Variants in TTLL7 observed in about 807,000 individuals in gnomAD.
The protein encoded by TTLL7 is tubulin polyglutamylase TTLL7.
In TTLL7, 53 loss-of-function variants were observed where a neutral mutation model predicts 120.2. That is an observed-to-expected ratio of 0.44 (90% confidence interval 0.35 to 0.55). The LOEUF is 0.55. Among genes scored for constraint, TTLL7 ranks in the 20% least tolerant of loss-of-function variants. The pLI is 0.00. For missense variants in TTLL7, 803 were observed against 1,054.7 expected, an observed-to-expected ratio of 0.76 and a Z score of 3.31; for synonymous variants, 353 against 351.7, an observed-to-expected ratio of 1.00 and a Z score of -0.04.
chr1:83,951,898 T>G lies in TTLL7; in HGVS notation c.104A>C (p.Lys35Thr), dbSNP rs576580371. Reference protein sequence around the residue: ...QSTMKRKVRKKKKKGTITANV... With the variant: ...QSTMKRKVRKTKKKGTITANV... ...TGCTGTAATGGTTCCCTTCTTTTTCTTCTTTCTGACTTTCCTTTTCATTGT... is the reference window on the plus strand; with the variant it reads ...TGCTGTAATGGTTCCCTTCTTTTTCGTCTTTCTGACTTTCCTTTTCATTGT... The change falls in exon 3 of 21, where the codon AAG becomes ACG. Residue 35 changes from lysine to threonine, a missense_variant. By Grantham distance (78) the Lys-to-Thr change is moderately conservative (BLOSUM62 -1). Coordinates refer to ENST00000260505, the MANE Select transcript of TTLL7 (RefSeq NM_024686.6). 11 of 1,613,638 alleles carry G rather than the reference T, an allele frequency of 6.8e-6. No homozygotes were observed. The Middle Eastern group carries it at 5.0e-4, about 73-fold the overall frequency.
chr1:83,917,464 T>A, intron 14 of TTLL7, 140 bp downstream of exon 14: 1 of 586,012 alleles, frequency 1.7e-6, no homozygotes, highest in Non-Finnish European at 3.0e-6. Context: ...GGTATCATCA[T>A]CTTCCAAACT....
chr1:83,965,229 T>A (rs868866744), intron 1 of TTLL7, among the ~76,000 whole-genome samples: 6 of 152,084 alleles, frequency 3.9e-5, no homozygotes, highest in African/African-American at 1.4e-4. Flanking sequence ...CAAATTTTAA[T>A]CCCCATAATC....
intron 19 of TTLL7, among the ~76,000 whole-genome samples, chr1:83,885,460 T>C (rs1004436410): frequency 1.4e-4 from 21 of 152,142 alleles, no homozygotes; most frequent in East Asian, 1.4e-3. Flanking sequence ...TTGAATAATA[T>C]GTGAGTTATA....
chr1:83,907,574 T>C lies in TTLL7; in HGVS notation c.1874A>G (p.Gln625Arg), dbSNP rs1657306956. 7 of 1,613,362 alleles carry C rather than the reference T, an allele frequency of 4.3e-6. No homozygotes were observed. The highest frequency in any genetic ancestry group is 5.9e-6 in the Non-Finnish European group (7 of 1,179,540). ...SGDTRPFSAQQMISVSRPTSA... is the reference protein window; with the variant it reads ...SGDTRPFSAQRMISVSRPTSA... ...AGTTGGCCGTGACACAGATATCATT[T>C]GTTGAGCAGAAAATGGGCGGGTGTC... The change falls in exon 16 of 21, where the codon CAA (glutamine) becomes CGA (arginine). Residue 625 changes from glutamine (Q) to arginine (R), a missense_variant. By Grantham distance (43) the Gln-to-Arg change is conservative (BLOSUM62 1). Coordinates refer to ENST00000260505, the MANE Select transcript of TTLL7 (RefSeq NM_024686.6).
At chr1:83,897,025 C>T (rs79332669) in intron 18 of TTLL7, among the ~76,000 whole-genome samples, 6,281 of 152,132 alleles carry the variant, frequency 0.041, 156 homozygotes, top group Middle Eastern at 0.099. Flanking sequence ...GGTGAGGGTT[C>T]TTTTCAGGAT....
In TTLL7 at chr1:83,869,985, T is replaced by C. The variant is rs757384104; in HGVS notation, c.2641A>G (p.Thr881Ala). ...PGMTRSNVLF[T>A]SRYGHL ...TTTCACAGATGGCCATATCTGGATG[T>C]AAACAAAACATTGGAGCGAGTCATT... Residue 881 changes from threonine (T) to alanine (A), a missense_variant, in exon 21 of 21, where the codon ACA (threonine) becomes GCA (alanine). Thr to Ala is a moderately conservative substitution (Grantham distance 58). Transcript: ENST00000260505. 4 of 1,595,804 alleles carry C rather than the reference T, an allele frequency of 2.5e-6. No homozygotes were observed. The East Asian group carries it at 9.1e-5, about 36-fold the overall frequency.
chr1:83,920,241 G>C (rs974848586), intron 12 of TTLL7, among the ~76,000 whole-genome samples: 1 of 152,132 alleles, frequency 6.6e-6, no homozygotes, highest in Non-Finnish European at 1.5e-5. Context: ...CAGTATAAGG[G>C]TTTAGTTGGG....
At position 83,948,619 on chromosome 1, in the gene TTLL7, A is replaced by G. The variant is rs781027516; in HGVS notation, c.347+9T>C. On this transcript the variant is annotated intron_variant, in intron 5 of 20. Transcript: ENST00000260505. Reference sequence around the variant, plus strand: ...CAGGTCTTCTCCATTACAAGAAAATAAAGATTACTTGGTCATATTTCTTGC... The same window carrying G: ...CAGGTCTTCTCCATTACAAGAAAATGAAGATTACTTGGTCATATTTCTTGC... 6.3e-7 allele frequency: 1 copy of G among 1,592,448 alleles called. No homozygotes were observed. Among genetic ancestry groups the G allele is most frequent in the Non-Finnish European group, 8.6e-7 (1 of 1,161,374 alleles).
intron 10 of TTLL7, among the ~76,000 whole-genome samples, chr1:83,927,308 C>T (rs911938426): frequency 2.0e-5 from 3 of 152,036 alleles, no homozygotes; most frequent in Non-Finnish European, 4.4e-5. Context: ...AGGTAAAACA[C>T]CACAGAGGAT....
rs1654621888 is a variant in TTLL7, at chr1:83,882,663, T to A, written c.2543+300A>T. 3 of 241,114 alleles carry A rather than the reference T, an allele frequency of 1.2e-5. No homozygotes were observed. In the East Asian group the frequency reaches 3.7e-4, roughly 29 times the overall value. The allele number at this position is 241,114 out of a possible 1,614,324, so 14.9% of individuals were successfully genotyped here. ...TCTATTGGAGAACAGAAGTTAAATA[T>A]ATTACCACATTTTTGGATGCTCTTG... is the stretch of plus-strand genomic sequence containing the variant. On this transcript the variant is annotated intron_variant, in intron 20 of 20. Transcript: ENST00000260505.
intron 2 of TTLL7, 75 bp from the exon 3 acceptor site, chr1:83,952,051 AC>A: frequency 6.8e-7 from 1 of 1,478,994 alleles, no homozygotes; most frequent in East Asian, 2.3e-5. Flanking sequence ...TACCACCCCC[AC>A]CCCACACCAA....
intron 20 of TTLL7, among the ~76,000 whole-genome samples, chr1:83,873,060 G>T (rs1653584418): frequency 6.6e-6 from 1 of 151,700 alleles, no homozygotes; most frequent in South Asian, 2.1e-4. Context: ...AAAACTAATG[G>T]GTACAATTAT....
intron 6 of TTLL7, among the ~76,000 whole-genome samples, chr1:83,945,260 A>G (rs1390366796): frequency 6.6e-6 from 1 of 152,208 alleles, no homozygotes; most frequent in African/African-American, 2.4e-5. Context: ...TACAAGAGAC[A>G]CCCTTTAAAG....
chr1:83,970,592 C>A (rs2224990), intron 1 of TTLL7, among the ~76,000 whole-genome samples: 61,921 of 151,778 alleles, frequency 0.41, 14,851 homozygotes, highest in Non-Finnish European at 0.54. Context: ...AGTAGAAAGT[C>A]CAAGAAGTAC....
At position 83,895,192 on chromosome 1, in the gene TTLL7, G is replaced by A. The variant is rs368423002; in HGVS notation, c.2209-4711C>T. Among the ~76,000 whole-genome samples, 3 of 152,012 alleles carry A rather than the reference G, an allele frequency of 2.0e-5. No homozygotes were observed. In the East Asian group the frequency reaches 5.8e-4, roughly 29 times the overall value. ...CTGTTTAATTAATGGAGACTGTTAT[G>A]CATATAAAGGGAGTAAACTGTGCCC... On this transcript the variant is annotated intron_variant, in intron 18 of 20. Coordinates refer to ENST00000260505, the MANE Select transcript of TTLL7 (RefSeq NM_024686.6).
intron 18 of TTLL7, among the ~76,000 whole-genome samples, chr1:83,890,892 A>G (rs1557557070): frequency 1.3e-5 from 2 of 152,286 alleles, no homozygotes; most frequent in South Asian, 2.1e-4. Flanking sequence ...TTCAATATGT[A>G]GAGATTTCAA....
rs1405332869 is a variant in TTLL7 at position 83,867,050 on chromosome 1, A to C, written c.*2912T>G. ...ATATGCTTTCATTGTAAGTAAACCC[A>C]GTTCCCCTATTAAAAACCTCTGGTA... On this transcript the variant is annotated 3_prime_UTR_variant, in exon 21 of 21. Transcript: ENST00000260505. 6.6e-6 allele frequency: 1 copy of C among 152,022 alleles called. No homozygotes were observed. The highest frequency in any genetic ancestry group is 1.5e-5 in the Non-Finnish European group (1 of 67,876). 9.4% of individuals were successfully genotyped at this position (152,022 alleles called of 1,614,324 possible).
intron 1 of TTLL7, among the ~76,000 whole-genome samples, chr1:83,959,988 C>T (rs779438953): frequency 5.7e-4 from 87 of 151,578 alleles, no homozygotes; most frequent in Non-Finnish European, 1.0e-3. Flanking sequence ...AGTCTGATAC[C>T]CCTTGAGAGG....
intron 1 of TTLL7, among the ~76,000 whole-genome samples, chr1:83,996,463 T>G (rs922113334): frequency 6.6e-6 from 1 of 152,196 alleles, no homozygotes; most frequent in African/African-American, 2.4e-5. Flanking sequence ...TGGCTTTCTC[T>G]TTGCCTATCA....
Sources: allele counts gnomAD v4.1 joint callset (sites outside exome capture counted in the v4.1 genomes callset), GRCh38; gene constraint gnomAD v4.1.1; transcripts MANE v1.5; gene names NCBI Gene and HGNC (gene_info 2026-07-23, HGNC 2026-07-21).